AOPEP: variants seen among roughly 807,000 people sequenced by gnomAD.
The protein encoded by AOPEP is aminopeptidase O (putative).
Under a neutral mutation model 98.1 loss-of-function variants are expected in AOPEP, and 77 were observed. The ratio of observed to expected loss-of-function variants is 0.78; its 90% CI spans 0.65 to 0.95. The LOEUF is 0.95. Ranked by LOEUF, AOPEP falls within the 40% of genes least tolerant of loss-of-function variation. The pLI is 0.00. For synonymous variants in AOPEP, 346 were observed against 365.3 expected (o/e 0.95, Z 0.60); for missense variants, 1,024 against 1,024.7 (o/e 1.00, Z 0.01).
At chr9:95,061,897 G>A (rs190396500) in intron 14 of AOPEP, among the ~76,000 whole-genome samples, 473 of 152,288 alleles carry the variant, frequency 3.1e-3, no homozygotes, top group South Asian at 8.1e-3. Flanking sequence ...TTTGTATGTA[G>A]GAGTTCTCAA....
chr9:94,985,278 A>G (rs1386077622), intron 11 of AOPEP, among the ~76,000 whole-genome samples: 1 of 152,264 alleles, frequency 6.6e-6, no homozygotes, highest in Non-Finnish European at 1.5e-5. Flanking sequence ...CATCTTGGGA[A>G]AATGCCACTT....
intron 13 of AOPEP, among the ~76,000 whole-genome samples, chr9:95,026,882 A>G (rs1280353301): frequency 6.6e-6 from 1 of 152,146 alleles, no homozygotes; most frequent in African/African-American, 2.4e-5. Context: ...TTAACTGTTG[A>G]CTTGTTTTAT....
At chr9:94,782,645 A>G (rs1464985476) in intron 3 of AOPEP, among the ~76,000 whole-genome samples, 1 of 152,224 alleles carries the variant, frequency 6.6e-6, no homozygotes, top group East Asian at 1.9e-4. Context: ...AGGAATGGTT[A>G]TGATTAAGTA....
the AOPEP span, among the ~76,000 whole-genome samples, chr9:95,139,256 C>G: frequency 6.6e-6 from 1 of 152,158 alleles, no homozygotes; most frequent in Non-Finnish European, 1.5e-5. Flanking sequence ...TCAGTTTCAC[C>G]CTCTCCGTGT....
chr9:94,984,865 G>T (rs1388776371), intron 11 of AOPEP, among the ~76,000 whole-genome samples: 1 of 152,234 alleles, frequency 6.6e-6, no homozygotes, highest in Admixed American at 6.5e-5. Context: ...GATAGAGCTG[G>T]TTAATCCATA....
intron 7 of AOPEP, chr9:94,933,261 G>A (rs2055675567): frequency 1.3e-5 from 13 of 985,500 alleles, no homozygotes; most frequent in Non-Finnish European, 1.2e-5. Context: ...TCTCCAGGGT[G>A]CAGCTGGATT....
At chr9:95,114,347 G>A in the AOPEP span, 2 of 451,856 alleles carry the variant, frequency 4.4e-6, no homozygotes, top group East Asian at 9.1e-5. Context: ...TTATTGTTAT[G>A]CCTGTATATT....
chr9:95,135,726 C>G, the AOPEP span, among the ~76,000 whole-genome samples: 2 of 152,130 alleles, frequency 1.3e-5, no homozygotes, highest in East Asian at 3.9e-4. Flanking sequence ...ATCAGAAATG[C>G]TCAGGAAAAA....
intron 7 of AOPEP, among the ~76,000 whole-genome samples, chr9:94,940,044 A>C (rs1361347191): frequency 1.3e-5 from 2 of 152,242 alleles, no homozygotes; most frequent in Non-Finnish European, 2.9e-5. Context: ...CAAAATCCAA[A>C]AATATCGGAA....
chr9:95,028,981 T>C (rs2064071348), intron 13 of AOPEP, among the ~76,000 whole-genome samples: 1 of 152,240 alleles, frequency 6.6e-6, no homozygotes, highest in African/African-American at 2.4e-5. Flanking sequence ...CTAGTGTGTC[T>C]GGAAGGCAGC....
intron 5 of AOPEP, among the ~76,000 whole-genome samples, chr9:94,812,521 A>T (rs1159819620): frequency 1.3e-5 from 2 of 152,088 alleles, no homozygotes; most frequent in East Asian, 3.9e-4. Context: ...TACCTTTGGC[A>T]CACATCCTGC....
chr9:95,086,795 C>T lies in AOPEP; in HGVS notation c.*118C>T, dbSNP rs1416209612. The stretch of plus-strand genomic sequence containing the variant: ...TGTGGCTGCTAAAGCCATCGGCCCA[C>T]AGCCCTGTTCACATCTTGGTGCTTC... On this transcript the variant is annotated 3_prime_UTR_variant, in exon 17 of 17. Coordinates refer to ENST00000375315, the MANE Select transcript of AOPEP (RefSeq NM_001193329.3). 2.0e-6 allele frequency: 2 copies of T among 987,930 alleles called. No individual in the cohort carries two copies. The highest frequency in any genetic ancestry group is 2.4e-6 in the Non-Finnish European group (2 of 830,142). The allele number at this position is 987,930 out of a possible 1,614,324, so 61.2% of individuals were successfully genotyped here.
In AOPEP at chr9:95,080,709, T is replaced by TGTGA; in HGVS notation, c.2249_2252dup (p.Leu752Ter). 6.2e-7 allele frequency: 1 copy of TGTGA among 1,613,808 alleles called. No homozygotes were observed. Among genetic ancestry groups the TGTGA allele is most frequent in the Non-Finnish European group, 8.5e-7 (1 of 1,179,892 alleles). ...GTTCCTCCAGGTTCGCCATCGGTGG[T>TGTGA]GTGAACTCATTGTTAAGCACAAGTT... On this transcript the variant is annotated frameshift_variant, in exon 15 of 17. Coordinates refer to ENST00000375315, the MANE Select transcript of AOPEP (RefSeq NM_001193329.3). LOFTEE classifies it high-confidence loss of function.
At chr9:95,148,394 G>A in the AOPEP span, among the ~76,000 whole-genome samples, 238 of 152,220 alleles carry the variant, frequency 1.6e-3, no homozygotes, top group Non-Finnish European at 2.8e-3. Flanking sequence ...GACAGGCAGT[G>A]GTCAGTCACA....
At chr9:95,112,029 A>G in the AOPEP span, among the ~76,000 whole-genome samples, 1 of 152,188 alleles carries the variant, frequency 6.6e-6, no homozygotes. Flanking sequence ...AGGCAGAAAC[A>G]TGGGCTATTT....
intron 1 of AOPEP, among the ~76,000 whole-genome samples, chr9:94,731,368 C>T (rs1830491014): frequency 6.6e-6 from 1 of 152,076 alleles, no homozygotes; most frequent in South Asian, 2.1e-4. Context: ...GCTGGGACTA[C>T]AGGCGTCCGC....
intron 3 of AOPEP, among the ~76,000 whole-genome samples, chr9:94,792,398 C>G (rs551055645): frequency 1.3e-5 from 2 of 152,112 alleles, no homozygotes; most frequent in Non-Finnish European, 2.9e-5. Context: ...ATCAATTGAG[C>G]ATTTTTTTTA....
chr9:94,818,505 C>T (rs920066277), intron 5 of AOPEP, among the ~76,000 whole-genome samples: 2 of 152,242 alleles, frequency 1.3e-5, no homozygotes, highest in Admixed American at 6.5e-5. Flanking sequence ...GGAATTTCTC[C>T]GTTTCAGAAG....
the AOPEP span, among the ~76,000 whole-genome samples, chr9:95,137,850 G>A: frequency 6.6e-6 from 1 of 152,230 alleles, no homozygotes; most frequent in Non-Finnish European, 1.5e-5. Context: ...ACAAAGGGGC[G>A]AATGAACCCT....
Sources: gnomAD v4.1 joint callset for allele counts (sites outside exome capture counted in the v4.1 genomes callset) on GRCh38, gnomAD v4.1.1 for gene constraint, MANE v1.5 for transcripts, NCBI Gene and HGNC (gene_info 2026-07-23, HGNC 2026-07-21) for gene names.